PRKN: variants seen among roughly 807,000 people sequenced by gnomAD.
PRKN encodes E3 ubiquitin-protein ligase parkin.
Under a neutral mutation model 59.5 loss-of-function variants are expected in PRKN, and 56 were observed. That is an observed-to-expected ratio of 0.94 (90% CI 0.76 to 1.18). The LOEUF (loss-of-function observed/expected upper bound fraction) is 1.18. PRKN is among the 50% of genes most tolerant of loss of function. The pLI, the probability that PRKN is intolerant of heterozygous loss-of-function variation, is 0.00. For missense variants in PRKN, 657 were observed against 596.4 expected (o/e 1.10, Z -1.06); for synonymous variants, 250 against 222.1 (o/e 1.13, Z -1.12).
chr6:161,394,291 G>A (rs772397274), intron 9 of PRKN, among the ~76,000 whole-genome samples: 9 of 152,198 alleles, frequency 5.9e-5, no homozygotes, highest in Non-Finnish European at 1.2e-4. Context: ...AGTGTTCTAT[G>A]TGTGGTCTCC....
intron 1 of PRKN, among the ~76,000 whole-genome samples, chr6:162,454,563 T>C (rs778174099): frequency 1.3e-5 from 2 of 152,190 alleles, no homozygotes; most frequent in Non-Finnish European, 2.9e-5. Flanking sequence ...AAAAAGAATC[T>C]TGGGTCCTAA....
chr6:162,197,573 C>A (rs562237330), intron 4 of PRKN, among the ~76,000 whole-genome samples: 143 of 152,076 alleles, frequency 9.4e-4, no homozygotes, highest in African/African-American at 3.3e-3. Flanking sequence ...AAGGCCAGGG[C>A]TATGGAAAAA....
rs937179233 is a variant in PRKN at position 161,456,625 on chromosome 6, C to T, written c.1084-69748G>A. Among the ~76,000 whole-genome samples the T allele has an allele frequency of 6.6e-6, 1 of 152,186 alleles. No individual in the cohort carries two copies. The highest frequency in any genetic ancestry group is 2.4e-5 in the African/African-American group (1 of 41,448). Reference sequence around the variant, plus strand: ...TCTAGAGAACCCTGACTAATAATCTCCCACATCACCAGCTTGAATCCTGCC... The same window carrying T: ...TCTAGAGAACCCTGACTAATAATCTTCCACATCACCAGCTTGAATCCTGCC... On this transcript the variant is annotated intron_variant, in intron 9 of 11. Coordinates refer to ENST00000366898, the MANE Select transcript of PRKN (RefSeq NM_004562.3). This position sits in a 1 kb window ranked among gnomAD's most constrained non-coding sequence, Gnocchi z 4.8.
chr6:162,461,499 CAAAAAAAAAAAAAA>C (rs780424226), intron 1 of PRKN, among the ~76,000 whole-genome samples: 3 of 36,512 alleles, frequency 8.2e-5, no homozygotes, highest in East Asian at 1.4e-3. Context: ...TAAAGTGTCT[CAAAAAAAAAAAAAA>C]AAAAAAAAAA....
At chr6:162,505,450 C>T (rs1249636865) in intron 1 of PRKN, among the ~76,000 whole-genome samples, 10 of 152,060 alleles carry the variant, frequency 6.6e-5, no homozygotes, top group East Asian at 5.8e-4. Flanking sequence ...AATGTAAATT[C>T]GCAGACCCCA....
At chr6:162,495,645 T>C (rs1793032207) in intron 1 of PRKN, among the ~76,000 whole-genome samples, 1 of 152,230 alleles carries the variant, frequency 6.6e-6, no homozygotes, top group South Asian at 2.1e-4. Context: ...CTCAGAGCCA[T>C]GAGCCCTTGC....
chr6:162,516,010 AG>A (rs964717837), intron 1 of PRKN, among the ~76,000 whole-genome samples: 3 of 152,176 alleles, frequency 2.0e-5, no homozygotes, highest in African/African-American at 7.2e-5. Context: ...TTAGCAGTGG[AG>A]GGTGTTTCTT....
intron 6 of PRKN, among the ~76,000 whole-genome samples, chr6:161,930,581 T>C (rs1779136180): frequency 6.6e-6 from 1 of 152,230 alleles, no homozygotes. Flanking sequence ...CTCATATGTA[T>C]TGCTGAATAA....
intron 1 of PRKN, among the ~76,000 whole-genome samples, chr6:162,694,346 A>C (rs1777895389): frequency 6.6e-6 from 1 of 152,108 alleles, no homozygotes; most frequent in Non-Finnish European, 1.5e-5. Context: ...TACATGGCAG[A>C]GATAGCAGTG....
intron 7 of PRKN, among the ~76,000 whole-genome samples, chr6:161,640,327 A>G (rs112368986): frequency 6.6e-6 from 1 of 152,136 alleles, no homozygotes; most frequent in Non-Finnish European, 1.5e-5. Flanking sequence ...TAAAACATAT[A>G]CAGATAAAGT....
chr6:161,485,499 A>G (rs1791606781), intron 9 of PRKN, among the ~76,000 whole-genome samples: 1 of 152,180 alleles, frequency 6.6e-6, no homozygotes. Context: ...ATCATAGTAA[A>G]CTATATTTAT....
chr6:162,672,278 T>C (rs921171853), intron 1 of PRKN, among the ~76,000 whole-genome samples: 2 of 152,106 alleles, frequency 1.3e-5, no homozygotes, highest in Admixed American at 6.6e-5. Context: ...TTCATTTAAA[T>C]AACAAAAAAC....
intron 6 of PRKN, among the ~76,000 whole-genome samples, chr6:161,896,900 G>A (rs565037423): frequency 1.3e-4 from 20 of 152,272 alleles, no homozygotes; most frequent in East Asian, 1.2e-3. Flanking sequence ...AAGAAAACCC[G>A]TCATTGTTGT....
intron 1 of PRKN, among the ~76,000 whole-genome samples, chr6:162,552,089 G>C (rs569334238): frequency 6.6e-6 from 1 of 152,180 alleles, no homozygotes; most frequent in Non-Finnish European, 1.5e-5. Context: ...GCCATGAGAA[G>C]AGAGAAGGAA....
intron 6 of PRKN, among the ~76,000 whole-genome samples, chr6:161,822,276 T>C (rs1380599119): frequency 6.6e-6 from 1 of 152,198 alleles, no homozygotes; most frequent in African/African-American, 2.4e-5. Context: ...GGGTTTGTTA[T>C]AAGACTTCCA....
chr6:162,021,847 T>C (rs746638169), intron 5 of PRKN, among the ~76,000 whole-genome samples: 4 of 152,170 alleles, frequency 2.6e-5, no homozygotes, highest in Middle Eastern at 3.4e-3. Context: ...CCCCCTTCTT[T>C]CCCTCCCTAC....
chr6:161,898,821 G>A (rs1343058122), intron 6 of PRKN, among the ~76,000 whole-genome samples: 1 of 152,188 alleles, frequency 6.6e-6, no homozygotes, highest in Non-Finnish European at 1.5e-5. Flanking sequence ...TGAGGTAGTG[G>A]TCTAATTCCT....
chr6:162,198,729 T>G (rs1225047277), intron 4 of PRKN, among the ~76,000 whole-genome samples: 1 of 151,664 alleles, frequency 6.6e-6, no homozygotes, highest in Non-Finnish European at 1.5e-5. Flanking sequence ...CTACCTCTAC[T>G]GCTCTGCATC....
At chr6:162,625,171 G>A (rs1782832965) in intron 1 of PRKN, among the ~76,000 whole-genome samples, 1 of 152,108 alleles carries the variant, frequency 6.6e-6, no homozygotes, top group East Asian at 1.9e-4. Context: ...GTGGAGTGAG[G>A]GCAACTTCAG....
Sources: gnomAD v4.1 joint callset for allele counts (sites outside exome capture counted in the v4.1 genomes callset) on GRCh38, gnomAD v4.1.1 for gene constraint, Gnocchi (gnomAD v3.1) non-coding constraint, MANE v1.5 for transcripts, NCBI Gene and HGNC (gene_info 2026-07-23, HGNC 2026-07-21) for gene names.